Variants in LYRM9 observed in about 807,000 individuals in gnomAD.
The protein encoded by LYRM9 is LYR motif-containing protein 9.
A neutral mutation model predicts 12.6 loss-of-function variants in LYRM9; 14 were observed. That is an observed-to-expected ratio of 1.11 (90% CI 0.73 to 1.73). The LOEUF is 1.73. Among genes scored for constraint, LYRM9 ranks in the 40% most tolerant of loss-of-function variants. The pLI is 0.00. For missense variants in LYRM9, 94 were observed against 95.0 expected (o/e 0.99, Z 0.04); for synonymous variants, 42 against 35.1 (o/e 1.20, Z -0.69).
chr17:27,887,212 T>A (rs904190512), intron 1 of LYRM9, among the ~76,000 whole-genome samples: 1 of 152,170 alleles, frequency 6.6e-6, no homozygotes, highest in Non-Finnish European at 1.5e-5. Context: ...CCATCATTCA[T>A]GGCAACTTTT....
intron 1 of LYRM9, among the ~76,000 whole-genome samples, chr17:27,884,685 C>T (rs1022186323): frequency 2.6e-5 from 4 of 152,186 alleles, no homozygotes; most frequent in Non-Finnish European, 4.4e-5. Flanking sequence ...CTGGGCTGAG[C>T]GCCTGGCCCG....
At chr17:27,889,244 G>C (rs904601509) in intron 1 of LYRM9, among the ~76,000 whole-genome samples, 19 of 151,980 alleles carry the variant, frequency 1.3e-4, no homozygotes, top group African/African-American at 4.6e-4. Context: ...CTCTGCTGGG[G>C]CCCTCACGTG....
In LYRM9 at chr17:27,892,025, G is replaced by A. The variant is rs757821884; in HGVS notation, c.-19+1292C>T. 105 of 156,500 alleles carry A rather than the reference G, an allele frequency of 6.7e-4. 1 individual carries two copies. Among genetic ancestry groups the A allele is most frequent in the African/African-American group, 3.2e-4 (13 of 40,382 alleles). The allele number at this position is 156,500 out of a possible 1,614,324, so 9.7% of individuals were successfully genotyped here. On this transcript the variant is annotated intron_variant, in intron 1 of 3. Transcript: ENST00000379102. ...GGGATCACTGCAGTCACAACTGCCCGGGCTCAAACGATTCTACCTCAGCCT... is the reference window on the plus strand; with the variant it reads ...GGGATCACTGCAGTCACAACTGCCCAGGCTCAAACGATTCTACCTCAGCCT...
In LYRM9 at chr17:27,879,317, G is replaced by A. The variant is rs11554655; in HGVS notation, c.*156C>T. The A allele has an allele frequency of 1.9e-4, 127 of 666,008 alleles. No individual in the cohort carries two copies. Among genetic ancestry groups the A allele is most frequent in the African/African-American group, 1.3e-3 (70 of 53,150 alleles). 41.3% of individuals were successfully genotyped at this position (666,008 alleles called of 1,614,324 possible). ...TAAAGGATGCTAGCAACATGGCCGC[G>A]GCAAGAGGAGCCTCTGGAGCAAGGT... On this transcript the variant is annotated 3_prime_UTR_variant, in exon 4 of 4. Transcript: ENST00000379102.
intron 1 of LYRM9, chr17:27,892,283 T>A (rs1322764606): frequency 2.6e-6 from 1 of 391,686 alleles, no homozygotes; most frequent in African/African-American, 2.1e-5. Context: ...TTGCTGACTG[T>A]AAGCTTCTGA....
At chr17:27,887,984 G>C (rs771280707) in intron 1 of LYRM9, among the ~76,000 whole-genome samples, 5 of 152,108 alleles carry the variant, frequency 3.3e-5, no homozygotes, top group African/African-American at 4.8e-5. Flanking sequence ...ATTGGAAAAG[G>C]CTCACCCATA....
intron 2 of LYRM9, chr17:27,881,378 G>A (rs1292957364): frequency 6.7e-6 from 1 of 149,236 alleles, no homozygotes; most frequent in Non-Finnish European, 1.5e-5. Flanking sequence ...GACTCCCCCA[G>A]ACAGCTAACT....
At position 27,890,170 on chromosome 17, in the gene LYRM9, T is replaced by C. The variant is rs1905383825; in HGVS notation, c.-19+3147A>G. On this transcript the variant is annotated intron_variant, in intron 1 of 3. Coordinates refer to ENST00000379102, the MANE Select transcript of LYRM9 (RefSeq NM_001076680.3). ...TATGCCCTTATCTGCTTCGTGAATCTACCTGCTATGTCTGAGCCACTCATA... is the reference window on the plus strand; with the variant it reads ...TATGCCCTTATCTGCTTCGTGAATCCACCTGCTATGTCTGAGCCACTCATA... 2.0e-5 allele frequency among the ~76,000 whole-genome samples: 3 copies of C among 152,218 alleles called. No individual in the cohort carries two copies. The South Asian group carries it at 6.2e-4, about 32-fold the overall frequency.
chr17:27,889,760 A>G (rs4796222), intron 1 of LYRM9, among the ~76,000 whole-genome samples: 120,846 of 152,062 alleles, frequency 0.79, 48,720 homozygotes, highest in African/African-American at 0.93. Context: ...CACAGGGTAA[A>G]GACAAAGAGA....
chr17:27,880,640 G>A, intron 2 of LYRM9: 1 of 500,446 alleles, frequency 2.0e-6, no homozygotes, highest in Non-Finnish European at 3.6e-6. Flanking sequence ...CCAAGTTACT[G>A]CCAAATCAAG....
intron 2 of LYRM9, chr17:27,880,645 A>C (rs1052864354): frequency 6.1e-6 from 3 of 492,762 alleles, no homozygotes; most frequent in Non-Finnish European, 1.1e-5. Context: ...TTACTGCCAA[A>C]TCAAGCTAGG....
At chr17:27,887,025 G>A (rs908449723) in intron 1 of LYRM9, among the ~76,000 whole-genome samples, 2 of 151,996 alleles carry the variant, frequency 1.3e-5, no homozygotes, top group Admixed American at 6.6e-5. Flanking sequence ...CTACTCCACT[G>A]CATACCCTTG....
At chr17:27,892,749 TA>T (rs1331544301) in intron 1 of LYRM9, 3 of 226,424 alleles carry the variant, frequency 1.3e-5, no homozygotes, top group African/African-American at 6.9e-5. Flanking sequence ...GCAAACACAC[TA>T]AAAGACACTG....
chr17:27,880,223 C>G (rs865942780), intron 3 of LYRM9, 51 bp downstream of exon 3: 2 of 1,412,592 alleles, frequency 1.4e-6, no homozygotes, highest in Non-Finnish European at 2.0e-6. Flanking sequence ...ATGGGGATCA[C>G]AGCCATCATC....
rs1905341370 is a variant in LYRM9, at chr17:27,889,295, T to C, written c.-19+4022A>G. On this transcript the variant is annotated intron_variant, in intron 1 of 3. Coordinates refer to ENST00000379102, the MANE Select transcript of LYRM9 (RefSeq NM_001076680.3). ...TCAAAGGCATTTTTCCATGTGCTGC[T>C]CTTTTTTTCTTTTTTCTTTTTTTTT... Among the ~76,000 whole-genome samples, 3 of 151,612 alleles carry C rather than the reference T, an allele frequency of 2.0e-5. No homozygotes were observed. In the South Asian group the frequency reaches 6.2e-4, roughly 32 times the overall value.
chr17:27,883,972 TAATC>T (rs1283143954), intron 1 of LYRM9, among the ~76,000 whole-genome samples: 6 of 146,540 alleles, frequency 4.1e-5, no homozygotes, highest in Non-Finnish European at 7.4e-5. Flanking sequence ...GCCACCGTCA[TAATC>T]AAGAGAGTTA....
chr17:27,889,293 G>A (rs1905341129), intron 1 of LYRM9, among the ~76,000 whole-genome samples: 1 of 151,806 alleles, frequency 6.6e-6, no homozygotes, highest in South Asian at 2.1e-4. Flanking sequence ...TCCATGTGCT[G>A]CTCTTTTTTT....
Position 27,892,559 on chromosome 17 carries a change from T to C in LYRM9, c.-19+758A>G, listed in dbSNP as rs140132654. On this transcript the variant is annotated intron_variant, in intron 1 of 3. Transcript: ENST00000379102. ...AACCCAGTCACAAGGGGCTACTTAA[T>C]GTATGATTCCATTTATACGAAACAT... The C allele has an allele frequency of 2.0e-3, 736 of 370,264 alleles. 8 individuals carry two copies. The highest frequency in any genetic ancestry group is 0.015 in the African/African-American group (681 of 46,568). 22.9% of individuals were successfully genotyped at this position (370,264 alleles called of 1,614,324 possible). A position where few individuals can be genotyped will look rare whatever the true frequency, so the allele number is the denominator to read the frequency against.
chr17:27,881,651 A>T (rs897333612), intron 2 of LYRM9, among the ~76,000 whole-genome samples: 5 of 152,198 alleles, frequency 3.3e-5, no homozygotes, highest in African/African-American at 1.2e-4. Flanking sequence ...AGTAAGTTGC[A>T]GACACGCTAT....
Sources: allele counts gnomAD v4.1 joint callset (sites outside exome capture counted in the v4.1 genomes callset), GRCh38; gene constraint gnomAD v4.1.1; transcripts MANE v1.5; gene names NCBI Gene and HGNC (gene_info 2026-07-23, HGNC 2026-07-21).